WWOX: variants seen among roughly 807,000 people sequenced by gnomAD.
The protein encoded by WWOX is WW domain containing oxidoreductase, also known as WW domain-containing oxidoreductase.
Under a neutral mutation model 46.2 loss-of-function variants are expected in WWOX, and 69 were observed. The observed-to-expected ratio is 1.49, with a 90% confidence interval of 1.23 to 1.82. The LOEUF (loss-of-function observed/expected upper bound fraction) is 1.82, where lower values mean the gene tolerates loss of function less well. Ranked by LOEUF, WWOX falls within the 40% of genes most tolerant of loss-of-function variation. The pLI is 0.00. For synonymous variants in WWOX, 359 were observed against 202.6 expected, an observed-to-expected ratio of 1.77 and a Z score of -6.56; for missense variants, 919 against 542.6, an observed-to-expected ratio of 1.69 and a Z score of -6.89.
At chr16:78,424,556 C>G (rs1025601384) in intron 6 of WWOX, among the ~76,000 whole-genome samples, 1 of 152,210 alleles carries the variant, frequency 6.6e-6, no homozygotes, top group Non-Finnish European at 1.5e-5. Flanking sequence ...TGAGTTCCAA[C>G]TAGGGTGACA....
chr16:78,812,464 G>A (rs929900000), intron 8 of WWOX, among the ~76,000 whole-genome samples: 3 of 150,490 alleles, frequency 2.0e-5, no homozygotes, highest in Non-Finnish European at 2.9e-5. Context: ...GCTCCTGCCT[G>A]TAATCCTGAC....
Position 78,596,725 on chromosome 16 carries a change from C to T in WWOX, c.1056+163973C>T, listed in dbSNP as rs986406199. On this transcript the variant is annotated intron_variant, in intron 8 of 8. Coordinates refer to ENST00000566780, the MANE Select transcript of WWOX (RefSeq NM_016373.4). ...TAAGCCGGGCCTAGTAGAAAGTAAG[C>T]GAAGCCCTTTCATTAAGTGAACGAA... is the stretch of plus-strand genomic sequence containing the variant. 2.6e-5 allele frequency among the ~76,000 whole-genome samples: 4 copies of T among 152,190 alleles called. No individual in the cohort carries two copies. In the South Asian group the frequency reaches 6.2e-4, roughly 24 times the overall value.
intron 8 of WWOX, among the ~76,000 whole-genome samples, chr16:78,877,283 C>T (rs555003933): frequency 4.6e-5 from 7 of 150,872 alleles, no homozygotes; most frequent in South Asian, 2.1e-4. Flanking sequence ...CTGCCTCCCC[C>T]CCTCTGACCC....
chr16:79,052,241 C>T (rs2048182521), intron 8 of WWOX, among the ~76,000 whole-genome samples: 2 of 151,052 alleles, frequency 1.3e-5, no homozygotes, highest in Admixed American at 6.6e-5. Flanking sequence ...TTCCTGTGTC[C>T]ATGTGATCTC....
intron 8 of WWOX, among the ~76,000 whole-genome samples, chr16:78,619,361 CAA>C (rs375477648): frequency 3.9e-3 from 277 of 70,702 alleles, no homozygotes; most frequent in African/African-American, 0.016. Context: ...GACGCCATCT[CAA>C]AAAAAAAAAA....
intron 8 of WWOX, among the ~76,000 whole-genome samples, chr16:78,943,862 G>A (rs1567665808): frequency 6.6e-6 from 1 of 152,150 alleles, no homozygotes; most frequent in Non-Finnish European, 1.5e-5. Flanking sequence ...ACAGCTTCTG[G>A]AAGTGTGGTA....
chr16:78,895,759 T>C (rs1005531406), intron 8 of WWOX: 1 of 152,238 alleles, frequency 6.6e-6, no homozygotes, highest in Non-Finnish European at 1.5e-5. Flanking sequence ...AATATGGCTC[T>C]GGCAAATTCT....
At chr16:78,927,798 T>G (rs1352973648) in intron 8 of WWOX, among the ~76,000 whole-genome samples, 1 of 152,238 alleles carries the variant, frequency 6.6e-6, no homozygotes, top group African/African-American at 2.4e-5. Flanking sequence ...TATCCTTGAA[T>G]AAATGTCTTT....
intron 8 of WWOX, among the ~76,000 whole-genome samples, chr16:78,674,095 GC>G (rs1465712869): frequency 1.3e-5 from 2 of 152,024 alleles, no homozygotes; most frequent in Admixed American, 6.6e-5. Flanking sequence ...ATGGAATTTT[GC>G]TAAGTGATTG....
intron 8 of WWOX, among the ~76,000 whole-genome samples, chr16:78,524,865 C>CTTT (rs370620034): frequency 0.025 from 1,211 of 48,502 alleles, 27 homozygotes; most frequent in African/African-American, 0.066. Flanking sequence ...GTTTTTCTTT[C>CTTT]TTTTTTTTTT....
intron 8 of WWOX, among the ~76,000 whole-genome samples, chr16:78,840,946 C>A (rs140594878): frequency 5.8e-4 from 88 of 152,092 alleles, no homozygotes; most frequent in African/African-American, 2.0e-3. Flanking sequence ...GTGGAGGGGG[C>A]ATTTTGGAAA....
chr16:78,819,900 C>G (rs1421114645), intron 8 of WWOX, among the ~76,000 whole-genome samples: 1 of 152,060 alleles, frequency 6.6e-6, no homozygotes, highest in African/African-American at 2.4e-5. Flanking sequence ...TGAGTCTCCT[C>G]CTTCCTAGAT....
chr16:78,147,072 A>G lies in WWOX; in HGVS notation c.410-17111A>G, dbSNP rs3764296. On this transcript the variant is annotated intron_variant, in intron 4 of 8. Coordinates refer to ENST00000566780, the MANE Select transcript of WWOX (RefSeq NM_016373.4). Reference sequence around the variant, plus strand: ...TAACAAACACACACAAGCCACTGTTAGATTTTACAAAACTTTAAAAAGTAA... The same window carrying G: ...TAACAAACACACACAAGCCACTGTTGGATTTTACAAAACTTTAAAAAGTAA... Among the ~76,000 whole-genome samples the G allele has an allele frequency of 4.3e-4, 65 of 152,310 alleles. No homozygotes were observed. The East Asian group carries it at 9.6e-3, about 23-fold the overall frequency.
At chr16:78,244,876 G>A (rs1391720712) in intron 5 of WWOX, among the ~76,000 whole-genome samples, 1 of 151,516 alleles carries the variant, frequency 6.6e-6, no homozygotes, top group East Asian at 1.9e-4. Flanking sequence ...TACACAATAG[G>A]GACATATTCA....
chr16:79,024,646 A>G (rs961491978), intron 8 of WWOX, among the ~76,000 whole-genome samples: 1 of 152,030 alleles, frequency 6.6e-6, no homozygotes, highest in Admixed American at 6.6e-5. Flanking sequence ...CATGTTAGCC[A>G]GGATGGTCTT....
At chr16:78,872,488 G>A (rs763752278) in intron 8 of WWOX, among the ~76,000 whole-genome samples, 1 of 152,218 alleles carries the variant, frequency 6.6e-6, no homozygotes, top group Non-Finnish European at 1.5e-5. Context: ...TAAAGGGGCT[G>A]TGGTGTCACA....
intron 8 of WWOX, among the ~76,000 whole-genome samples, chr16:79,127,337 G>A (rs1265241723): frequency 6.6e-6 from 1 of 152,082 alleles, no homozygotes; most frequent in African/African-American, 2.4e-5. Context: ...AAGGCAATAT[G>A]TTTGTATATT....
At chr16:78,149,689 T>C (rs892815573) in intron 4 of WWOX, among the ~76,000 whole-genome samples, 2 of 152,320 alleles carry the variant, frequency 1.3e-5, no homozygotes, top group Admixed American at 6.5e-5. Flanking sequence ...ATGCCAAGCA[T>C]GTACACATAT....
chr16:78,747,960 C>T (rs1219252675), intron 8 of WWOX, among the ~76,000 whole-genome samples: 1 of 152,186 alleles, frequency 6.6e-6, no homozygotes, highest in African/African-American at 2.4e-5. Context: ...AATAACCATG[C>T]TTCTTAGTGG....
Sources: allele counts gnomAD v4.1 joint callset (sites outside exome capture counted in the v4.1 genomes callset), GRCh38; gene constraint gnomAD v4.1.1; transcripts MANE v1.5; gene names NCBI Gene and HGNC (gene_info 2026-07-23, HGNC 2026-07-21).